The following PEBP4 variants were observed in gnomAD, a reference collection of about 807,000 sequenced individuals.
PEBP4 encodes the protein phosphatidylethanolamine binding protein 4.
A neutral mutation model predicts 23.9 loss-of-function variants in PEBP4; 22 were observed. The observed-to-expected ratio is 0.92, with a 90% CI of 0.66 to 1.31. The LOEUF is 1.31. Among genes scored for constraint, PEBP4 ranks in the 40% most tolerant of loss-of-function variants. The pLI is 0.00. For synonymous variants in PEBP4, 112 were observed against 99.3 expected (o/e 1.13, Z -0.76); for missense variants, 324 against 281.7 (o/e 1.15, Z -1.07).
intron 3 of PEBP4, among the ~76,000 whole-genome samples, chr8:22,864,376 C>G (rs1255437708): frequency 6.6e-6 from 1 of 152,196 alleles, no homozygotes; most frequent in East Asian, 1.9e-4. Flanking sequence ...AGGCTCACCT[C>G]TTCAGCTCTT....
chr8:22,903,182 G>T (rs923773407), intron 3 of PEBP4, among the ~76,000 whole-genome samples: 1 of 152,152 alleles, frequency 6.6e-6, no homozygotes, highest in African/African-American at 2.4e-5. Flanking sequence ...CCTGTTATTT[G>T]AGAGCCAGCC....
chr8:22,751,890 C>G (rs1805275703), intron 4 of PEBP4, among the ~76,000 whole-genome samples: 1 of 151,744 alleles, frequency 6.6e-6, no homozygotes, highest in Admixed American at 6.6e-5. Flanking sequence ...CTCAACCACC[C>G]TCTCTTTCTT....
At chr8:22,774,600 A>G (rs143107493) in intron 4 of PEBP4, among the ~76,000 whole-genome samples, 60 of 152,278 alleles carry the variant, frequency 3.9e-4, no homozygotes, top group African/African-American at 1.3e-3. Context: ...GATGGGGGGT[A>G]GGGGCCGAGT....
chr8:22,736,010 C>A (rs1465847498), intron 4 of PEBP4, among the ~76,000 whole-genome samples: 1 of 152,138 alleles, frequency 6.6e-6, no homozygotes, highest in Non-Finnish European at 1.5e-5. Flanking sequence ...ATTTTGGTTC[C>A]AAAGTTTCTT....
chr8:22,929,106 A>C (rs562806727), upstream of PEBP4, among the ~76,000 whole-genome samples: 1 of 152,238 alleles, frequency 6.6e-6, no homozygotes, highest in African/African-American at 2.4e-5. Context: ...TCATTATGAG[A>C]ATGAAATCAA....
intron 3 of PEBP4, among the ~76,000 whole-genome samples, chr8:22,850,360 G>A (rs1183765611): frequency 6.6e-6 from 1 of 152,188 alleles, no homozygotes; most frequent in African/African-American, 2.4e-5. Context: ...ACTGCCTGAT[G>A]GTGGGAAGGG....
Position 22,829,894 on chromosome 8 carries a change from A to G in PEBP4, c.259-12159T>C, listed in dbSNP as rs139393280. Reference sequence around the variant, plus strand: ...TAACTCCTTAATCCAATCTGCCCCCATCGCTTCTGCTGCAGCCCTTGCTAA... The same window carrying G: ...TAACTCCTTAATCCAATCTGCCCCCGTCGCTTCTGCTGCAGCCCTTGCTAA... On this transcript the variant is annotated intron_variant, in intron 3 of 6. Transcript: ENST00000256404. Among the ~76,000 whole-genome samples, 39 of 152,196 alleles carry G rather than the reference A, an allele frequency of 2.6e-4. No homozygotes were observed. In the East Asian group the frequency reaches 6.2e-3, roughly 24 times the overall value.
intron 3 of PEBP4, among the ~76,000 whole-genome samples, chr8:22,866,592 T>A (rs1035449954): frequency 3.3e-5 from 5 of 151,984 alleles, no homozygotes; most frequent in Non-Finnish European, 7.4e-5. Context: ...ATAACCACTA[T>A]ACTAAACTGC....
intron 4 of PEBP4, among the ~76,000 whole-genome samples, chr8:22,766,340 C>A (rs1805615047): frequency 6.6e-6 from 1 of 152,244 alleles, no homozygotes; most frequent in African/African-American, 2.4e-5. Flanking sequence ...GGGTGATGAC[C>A]AGTTCATAGA....
chr8:22,760,885 C>T (rs866048106), intron 4 of PEBP4, among the ~76,000 whole-genome samples: 3 of 152,174 alleles, frequency 2.0e-5, no homozygotes, highest in Non-Finnish European at 4.4e-5. Context: ...TGACCTTGAA[C>T]GTGTCTCTGA....
At chr8:22,852,301 C>G (rs1185897614) in intron 3 of PEBP4, among the ~76,000 whole-genome samples, 1 of 152,168 alleles carries the variant, frequency 6.6e-6, no homozygotes, top group Non-Finnish European at 1.5e-5. Flanking sequence ...GTTTCTTGTT[C>G]TTCTTTTTTT....
At chr8:22,787,463 C>T (rs1191735748) in intron 4 of PEBP4, among the ~76,000 whole-genome samples, 8 of 152,176 alleles carry the variant, frequency 5.3e-5, no homozygotes, top group Admixed American at 5.2e-4. Flanking sequence ...GGGATACCAA[C>T]ATTTTGATGG....
chr8:22,793,720 T>C (rs1289286101), intron 4 of PEBP4, among the ~76,000 whole-genome samples: 1 of 152,216 alleles, frequency 6.6e-6, no homozygotes, highest in African/African-American at 2.4e-5. Flanking sequence ...ACATCCATAA[T>C]AATTTCCTTA....
At chr8:22,792,357 G>A (rs1806156434) in intron 4 of PEBP4, among the ~76,000 whole-genome samples, 1 of 152,092 alleles carries the variant, frequency 6.6e-6, no homozygotes, top group South Asian at 2.1e-4. Context: ...TTACCCCATA[G>A]AACACTTCCC....
chr8:22,856,736 AATAT>A (rs556592407), intron 3 of PEBP4, among the ~76,000 whole-genome samples: 2 of 151,672 alleles, frequency 1.3e-5, no homozygotes, highest in Non-Finnish European at 1.5e-5. Context: ...TAAATAAATA[AATAT>A]ATAGAAAAAT....
intron 4 of PEBP4, among the ~76,000 whole-genome samples, chr8:22,800,648 A>G (rs537619259): frequency 4.1e-4 from 63 of 152,218 alleles, no homozygotes; most frequent in African/African-American, 1.5e-3. Context: ...CTCCATTGCA[A>G]AGCCTCAGGA....
At chr8:22,857,271 CTT>C (rs1180675546) in intron 3 of PEBP4, among the ~76,000 whole-genome samples, 3 of 148,898 alleles carry the variant, frequency 2.0e-5, no homozygotes, top group Non-Finnish European at 3.0e-5. Flanking sequence ...CACACACACA[CTT>C]ACTCACTCAC....
intron 3 of PEBP4, among the ~76,000 whole-genome samples, chr8:22,906,782 G>C (rs1808825277): frequency 6.6e-6 from 1 of 152,266 alleles, no homozygotes; most frequent in Non-Finnish European, 1.5e-5. Flanking sequence ...CTGTTCGAAT[G>C]CTTGGTATGC....
intron 3 of PEBP4, among the ~76,000 whole-genome samples, chr8:22,866,462 G>T (rs1371874625): frequency 1.3e-5 from 2 of 152,180 alleles, no homozygotes; most frequent in Admixed American, 6.5e-5. Flanking sequence ...ATTAAAATAT[G>T]CTGTAAACCA....
Sources: allele counts gnomAD v4.1 joint callset (sites outside exome capture counted in the v4.1 genomes callset), GRCh38; gene constraint gnomAD v4.1.1; transcripts MANE v1.5; gene names NCBI Gene and HGNC (gene_info 2026-07-23, HGNC 2026-07-21).